The following SPAG16 variants were observed in gnomAD, a reference collection of about 807,000 sequenced individuals.
SPAG16 encodes the protein sperm associated antigen 16, also known as sperm-associated antigen 16 protein.
Under a neutral mutation model 80.4 loss-of-function variants are expected in SPAG16, and 86 were observed. That is an observed-to-expected ratio of 1.07 (90% CI 0.90 to 1.28). The LOEUF (loss-of-function observed/expected upper bound fraction) is 1.28, where lower values mean the gene tolerates loss of function less well. Ranked by LOEUF, SPAG16 falls within the 50% of genes most tolerant of loss-of-function variation. SPAG16 has a pLI of 0.00. For synonymous variants in SPAG16, 294 were observed against 265.9 expected, an observed-to-expected ratio of 1.11 and a Z score of -1.03; for missense variants, 870 against 765.3, an observed-to-expected ratio of 1.14 and a Z score of -1.61.
chr2:213,387,609 C>T (rs937251378), intron 9 of SPAG16, among the ~76,000 whole-genome samples: 1 of 140,368 alleles, frequency 7.1e-6, no homozygotes, highest in Non-Finnish European at 1.5e-5. Flanking sequence ...CGCCCGCCAC[C>T]ACGCCCGGCT....
At chr2:213,331,781 C>T (rs1003147932) in intron 5 of SPAG16, among the ~76,000 whole-genome samples, 1 of 152,084 alleles carries the variant, frequency 6.6e-6, no homozygotes, top group Non-Finnish European at 1.5e-5. Context: ...CCTGAATGAC[C>T]AGTGGATCAG....
chr2:213,863,573 A>T (rs1400085047), intron 11 of SPAG16, among the ~76,000 whole-genome samples: 2 of 152,042 alleles, frequency 1.3e-5, no homozygotes, highest in Non-Finnish European at 2.9e-5. Flanking sequence ...TAGATGTTTG[A>T]CCCTACTTTA....
chr2:213,620,190 T>C (rs2061723281), intron 10 of SPAG16, among the ~76,000 whole-genome samples: 1 of 150,662 alleles, frequency 6.6e-6, no homozygotes, highest in African/African-American at 2.4e-5. Context: ...AAAAGGTTGG[T>C]CCATGGGTAC....
chr2:213,348,132 A>G (rs750428747), intron 6 of SPAG16, among the ~76,000 whole-genome samples: 15 of 152,150 alleles, frequency 9.9e-5, no homozygotes, highest in African/African-American at 9.7e-5. Context: ...CTTTACCATT[A>G]TGTAATGGCC....
intron 15 of SPAG16, among the ~76,000 whole-genome samples, chr2:214,270,972 C>A (rs373189915): frequency 1.3e-5 from 2 of 151,992 alleles, no homozygotes; most frequent in East Asian, 1.9e-4. Context: ...ATACCCACTG[C>A]GCAGAAAACA....
intron 9 of SPAG16, among the ~76,000 whole-genome samples, chr2:213,464,612 G>A (rs2072577278): frequency 6.6e-6 from 1 of 152,170 alleles, no homozygotes; most frequent in Non-Finnish European, 1.5e-5. Context: ...CTTATCTTTG[G>A]AATATGGATG....
chr2:213,303,283 A>G (rs970789244), intron 3 of SPAG16, among the ~76,000 whole-genome samples: 7 of 151,952 alleles, frequency 4.6e-5, no homozygotes, highest in Admixed American at 3.9e-4. Context: ...TTGAGGATAC[A>G]TACTAGGTAC....
intron 13 of SPAG16, among the ~76,000 whole-genome samples, chr2:214,071,056 G>A (rs2050767729): frequency 6.6e-6 from 1 of 152,106 alleles, no homozygotes; most frequent in Admixed American, 6.6e-5. Context: ...GTCTGCACCA[G>A]TACTGGAAAC....
In SPAG16 at chr2:213,526,742, A is replaced by C. The variant is rs111385058; in HGVS notation, c.1070+36652A>C. 7.9e-4 allele frequency among the ~76,000 whole-genome samples: 120 copies of C among 152,304 alleles called. 2 individuals carry two copies. Among genetic ancestry groups the C allele is most frequent in the Middle Eastern group, 3.4e-3 (1 of 294 alleles). ...ATTTTGAGAACTTCTATTTCTGAAAATGTCTTTATTATTCTGATTCATACT... is the reference window on the plus strand; with the variant it reads ...ATTTTGAGAACTTCTATTTCTGAAACTGTCTTTATTATTCTGATTCATACT... On this transcript the variant is annotated intron_variant, in intron 10 of 15. Coordinates refer to ENST00000331683, the MANE Select transcript of SPAG16 (RefSeq NM_024532.5).
At chr2:213,635,869 G>A (rs2062342373) in intron 10 of SPAG16, among the ~76,000 whole-genome samples, 1 of 152,084 alleles carries the variant, frequency 6.6e-6, no homozygotes. Context: ...CAGATGTATA[G>A]TTTGCAAAAA....
chr2:214,226,276 G>A (rs1293455220), intron 15 of SPAG16, among the ~76,000 whole-genome samples: 1 of 152,038 alleles, frequency 6.6e-6, no homozygotes, highest in Non-Finnish European at 1.5e-5. Context: ...CATAGTGAAG[G>A]TGAAAGTACA....
chr2:214,315,382 T>C (rs549861504), intron 15 of SPAG16, among the ~76,000 whole-genome samples: 1 of 152,318 alleles, frequency 6.6e-6, no homozygotes, highest in East Asian at 1.9e-4. Flanking sequence ...AAAGGTTCTG[T>C]GTTGGCATTC....
intron 14 of SPAG16, among the ~76,000 whole-genome samples, chr2:214,147,777 T>C (rs573987961): frequency 5.3e-5 from 8 of 152,324 alleles, no homozygotes; most frequent in Non-Finnish European, 8.8e-5. Flanking sequence ...GTTGTATTAC[T>C]GTGCCAGTGA....
intron 10 of SPAG16, among the ~76,000 whole-genome samples, chr2:213,515,746 G>A (rs964042372): frequency 1.3e-5 from 2 of 152,104 alleles, no homozygotes; most frequent in Admixed American, 1.3e-4. Context: ...CAAATATAAT[G>A]AGTTAAGACT....
intron 15 of SPAG16, among the ~76,000 whole-genome samples, chr2:214,180,893 T>C (rs1232540565): frequency 6.6e-6 from 1 of 151,710 alleles, no homozygotes; most frequent in Non-Finnish European, 1.5e-5. Context: ...TTTAAACTCA[T>C]GCCAAACCAA....
intron 9 of SPAG16, among the ~76,000 whole-genome samples, chr2:213,461,609 A>C (rs1054728840): frequency 1.3e-5 from 2 of 152,218 alleles, no homozygotes; most frequent in African/African-American, 4.8e-5. Context: ...ATGTGATTTG[A>C]GAAAGCTTAA....
intron 15 of SPAG16, among the ~76,000 whole-genome samples, chr2:214,186,378 T>G (rs886537919): frequency 6.6e-6 from 1 of 152,008 alleles, no homozygotes; most frequent in African/African-American, 2.4e-5. Flanking sequence ...TCTAAGCAAA[T>G]AAAGACTCCA....
intron 14 of SPAG16, among the ~76,000 whole-genome samples, chr2:214,138,205 A>G (rs916323652): frequency 1.3e-5 from 2 of 152,180 alleles, no homozygotes; most frequent in African/African-American, 4.8e-5. Context: ...GACAAAAAAT[A>G]TAAATTTGTA....
rs2062546068 is a variant in SPAG16 at position 213,297,329 on chromosome 2, A to G, written c.251A>G (p.Gln84Arg). 1 of 1,612,542 alleles carries G rather than the reference A, an allele frequency of 6.2e-7. No individual in the cohort carries two copies. The highest frequency in any genetic ancestry group is 8.5e-7 in the Non-Finnish European group (1 of 1,178,968). The change falls in exon 3 of 16, where the codon CAA (glutamine) becomes CGA (arginine). Residue 84 changes from glutamine to arginine, a missense_variant. Coordinates refer to ENST00000331683, the MANE Select transcript of SPAG16 (RefSeq NM_024532.5). ...CTGGCAAAAGCAATTCAGATGGCCC[A>G]AGAACAGGCTACAGATACTGAAATT... ...EDLAKAIQMA[Q>R]EQATDTEILE... is the part of the protein sequence containing the mutation.
Sources: allele counts gnomAD v4.1 joint callset (sites outside exome capture counted in the v4.1 genomes callset), GRCh38; gene constraint gnomAD v4.1.1; transcripts MANE v1.5; gene names NCBI Gene and HGNC (gene_info 2026-07-23, HGNC 2026-07-21).